The following HDAC9 variants were observed in gnomAD, a reference collection of about 807,000 sequenced individuals.
The protein encoded by HDAC9 is histone deacetylase 9, also known as MEF-2 interacting transcription repressor (MITR) protein.
A neutral mutation model predicts 139.4 loss-of-function variants in HDAC9; 41 were observed. That is an observed-to-expected ratio of 0.29 (90% confidence interval 0.23 to 0.38). HDAC9 has a LOEUF of 0.38. HDAC9 is among the 10% of genes least tolerant of loss of function. HDAC9 has a pLI of 1.00. For missense variants in HDAC9, 1,147 were observed against 1,297.0 expected, an observed-to-expected ratio of 0.88 and a Z score of 1.78; for synonymous variants, 517 against 476.2, an observed-to-expected ratio of 1.09 and a Z score of -1.12.
chr7:18,852,396 G>A (rs1467650660), intron 21 of HDAC9, among the ~76,000 whole-genome samples: 1 of 152,162 alleles, frequency 6.6e-6, no homozygotes, highest in South Asian at 2.1e-4. Flanking sequence ...GCGAGGAGGC[G>A]GAGGATTATA....
At position 18,980,970 on chromosome 7, in the gene HDAC9, C is replaced by T. The variant is rs180928252; in HGVS notation, c.3170+5017C>T. 4.5e-3 allele frequency among the ~76,000 whole-genome samples: 685 copies of T among 151,954 alleles called. 9 individuals carry two copies. The highest frequency in any genetic ancestry group is 0.015 in the African/African-American group (632 of 41,452). ...TCTCGAGTATCTGGGACTACAGGCA[C>T]GTGCCACCATGGCCAGCTAATTTTT... is the stretch of plus-strand genomic sequence containing the variant. On this transcript the variant is annotated intron_variant, in intron 25 of 25. Coordinates refer to ENST00000686413, the MANE Select transcript of HDAC9 (RefSeq NM_178425.4).
intron 1 of HDAC9, among the ~76,000 whole-genome samples, chr7:18,320,286 C>G (rs1420901758): frequency 6.6e-6 from 1 of 152,160 alleles, no homozygotes; most frequent in Non-Finnish European, 1.5e-5. Context: ...TGGTTGATTT[C>G]TCATTAAATC....
chr7:18,721,509 C>G (rs1361167485), intron 12 of HDAC9, among the ~76,000 whole-genome samples: 1 of 152,002 alleles, frequency 6.6e-6, no homozygotes, highest in African/African-American at 2.4e-5. Context: ...AAACAATTTA[C>G]TCTCCTCCAA....
intron 1 of HDAC9, among the ~76,000 whole-genome samples, chr7:18,452,270 T>G (rs1792941903): frequency 6.6e-6 from 1 of 152,170 alleles, no homozygotes; most frequent in African/African-American, 2.4e-5. Context: ...ACTAAGAATG[T>G]GGCCCAAGGA....
chr7:18,974,012 G>C (rs1784405924), intron 24 of HDAC9, among the ~76,000 whole-genome samples: 1 of 152,166 alleles, frequency 6.6e-6, no homozygotes, highest in African/African-American at 2.4e-5. Context: ...TCAAGAGTGT[G>C]TATTAATTAG....
At chr7:18,957,449 T>G (rs772006694) in intron 24 of HDAC9, among the ~76,000 whole-genome samples, 2 of 152,130 alleles carry the variant, frequency 1.3e-5, no homozygotes, top group Non-Finnish European at 2.9e-5. Context: ...CACTCTTGCT[T>G]CTCACTGTTT....
At chr7:18,175,002 G>C (rs1464789975) in intron 2 of HDAC9, among the ~76,000 whole-genome samples, 1 of 152,178 alleles carries the variant, frequency 6.6e-6, no homozygotes, top group Non-Finnish European at 1.5e-5. Flanking sequence ...TGTCAGAAGG[G>C]GACGTTTAAG....
chr7:18,980,788 TCTTCCTTCTTC>T (rs1784892410), intron 25 of HDAC9, among the ~76,000 whole-genome samples: 1 of 149,038 alleles, frequency 6.7e-6, no homozygotes, highest in African/African-American at 2.5e-5. Context: ...CTCTTCTTCT[TCTTCCTTCTTC>T]CTTCTTCCTT....
intron 10 of HDAC9, 53 bp downstream of exon 10, chr7:18,648,051 TG>T: frequency 1.5e-6 from 2 of 1,353,580 alleles, no homozygotes; most frequent in Non-Finnish European, 2.0e-6. Flanking sequence ...ATTTTATTAG[TG>T]ATCCAGGATA....
rs184033752 is a variant in HDAC9 at position 18,891,597 on chromosome 7, A to T, written c.2803+17001A>T. 3.1e-3 allele frequency among the ~76,000 whole-genome samples: 469 copies of T among 152,232 alleles called. 2 individuals are homozygous for T. The highest frequency in any genetic ancestry group is 5.0e-3 in the Non-Finnish European group (342 of 68,020). ...AAAGTAATAGCCTAAGGATGGTGGC[A>T]AGTCTGGCTTCTTAGTCTTTCCAGG... On this transcript the variant is annotated intron_variant, in intron 22 of 25. Transcript: ENST00000686413.
intron 22 of HDAC9, among the ~76,000 whole-genome samples, chr7:18,911,973 G>C: frequency 6.6e-6 from 1 of 151,976 alleles, no homozygotes; most frequent in Non-Finnish European, 1.5e-5. Context: ...GTATTCTGCA[G>C]TTGTCAGATA....
chr7:18,257,917 C>T (rs1034608475), intron 2 of HDAC9, among the ~76,000 whole-genome samples: 1 of 152,212 alleles, frequency 6.6e-6, no homozygotes, highest in Non-Finnish European at 1.5e-5. Flanking sequence ...AGAGCCGGGC[C>T]AGTCAGTGTC....
intron 12 of HDAC9, among the ~76,000 whole-genome samples, chr7:18,694,344 C>G (rs1351255485): frequency 6.6e-6 from 1 of 152,158 alleles, no homozygotes. Flanking sequence ...TTGTCCCTCT[C>G]TCCTCACAAG....
chr7:18,401,266 T>C (rs532563809), intron 1 of HDAC9, among the ~76,000 whole-genome samples: 2 of 152,152 alleles, frequency 1.3e-5, no homozygotes, highest in African/African-American at 2.4e-5. Flanking sequence ...GAAAAACTTA[T>C]ACTCAAGGAA....
chr7:18,168,899 G>T (rs2529746), intron 2 of HDAC9, among the ~76,000 whole-genome samples: 6,470 of 64,038 alleles, frequency 0.1, 228 homozygotes, highest in Non-Finnish European at 0.15. Flanking sequence ...TTTTTTTTTT[G>T]TGTGTGTGTG....
In HDAC9 at chr7:18,629,346, C is replaced by G; in HGVS notation, c.665-4C>G. ...TATTTTTTTTTTTTTGTCTCAATCC[C>G]CAGCCTCTGAGCCCAACTTGAAGGT... On this transcript the variant is annotated splice_polypyrimidine_tract_variant and splice_region_variant and intron_variant, in intron 6 of 25. Transcript: ENST00000686413. 1 of 1,572,388 alleles carries G rather than the reference C, an allele frequency of 6.4e-7. No individual in the cohort carries two copies. The highest frequency in any genetic ancestry group is 8.6e-7 in the Non-Finnish European group (1 of 1,160,232).
intron 2 of HDAC9, among the ~76,000 whole-genome samples, chr7:18,246,506 AC>A (rs1314903357): frequency 6.6e-6 from 1 of 151,726 alleles, no homozygotes; most frequent in Non-Finnish European, 1.5e-5. Context: ...CTAAATAGTC[AC>A]CCCCCCATTC....
intron 17 of HDAC9, among the ~76,000 whole-genome samples, chr7:18,811,402 GC>G (rs1794165004): frequency 6.6e-6 from 1 of 151,416 alleles, no homozygotes; most frequent in South Asian, 2.1e-4. Flanking sequence ...TCTAAATCCA[GC>G]TTTATCTACA....
intron 1 of HDAC9, among the ~76,000 whole-genome samples, chr7:18,480,360 C>T (rs1226396323): frequency 2.6e-5 from 4 of 152,190 alleles, no homozygotes; most frequent in African/African-American, 7.2e-5. Flanking sequence ...CTGCCTCTAA[C>T]ACATAACAAT....
Sources: gnomAD v4.1 joint callset for allele counts (sites outside exome capture counted in the v4.1 genomes callset) on GRCh38, gnomAD v4.1.1 for gene constraint, MANE v1.5 for transcripts, NCBI Gene and HGNC (gene_info 2026-07-23, HGNC 2026-07-21) for gene names.